Variants in SLC39A12 observed in about 807,000 individuals in gnomAD.
SLC39A12 encodes the protein solute carrier family 39 member 12.
SLC39A12 carries 63 observed loss-of-function variants against 71.1 expected under a neutral mutation model. The observed-to-expected ratio is 0.89, with a 90% CI of 0.72 to 1.09. SLC39A12 has a LOEUF of 1.09. Ranked by LOEUF, SLC39A12 falls within the 50% of genes least tolerant of loss-of-function variation. SLC39A12 has a pLI of 0.00. For missense variants in SLC39A12, 892 were observed against 812.6 expected (o/e 1.10, Z -1.19); for synonymous variants, 351 against 301.3 (o/e 1.16, Z -1.71).
At chr10:18,025,011 T>C (rs756002280) in intron 12 of SLC39A12, among the ~76,000 whole-genome samples, 22 of 152,312 alleles carry the variant, frequency 1.4e-4, no homozygotes, top group Admixed American at 3.9e-4. Flanking sequence ...TGGCAAGTAG[T>C]TTGGTCTCGT....
chr10:18,029,718 C>G (rs1353807556), intron 12 of SLC39A12, among the ~76,000 whole-genome samples: 1 of 151,826 alleles, frequency 6.6e-6, no homozygotes, highest in Non-Finnish European at 1.5e-5. Context: ...ACTTAACTGC[C>G]CTGGAGGAAG....
intron 3 of SLC39A12, among the ~76,000 whole-genome samples, chr10:17,964,452 G>A (rs1049545057): frequency 1.3e-5 from 2 of 152,112 alleles, no homozygotes; most frequent in African/African-American, 4.8e-5. Context: ...ACCTTCCCTG[G>A]ATCTCTCTTT....
At chr10:18,007,184 A>G (rs375634724) in intron 12 of SLC39A12, 13 of 152,224 alleles carry the variant, frequency 8.5e-5, no homozygotes, top group African/African-American at 2.9e-4. Flanking sequence ...CCAGCATCCA[A>G]TCCTGATCCT....
chr10:18,019,585 A>C (rs1836473519), intron 12 of SLC39A12, among the ~76,000 whole-genome samples: 1 of 151,922 alleles, frequency 6.6e-6, no homozygotes, highest in Non-Finnish European at 1.5e-5. Flanking sequence ...CTCTTATCTC[A>C]CACATTTTGA....
At chr10:17,972,512 G>T (rs1017884013) in intron 4 of SLC39A12, among the ~76,000 whole-genome samples, 2 of 152,118 alleles carry the variant, frequency 1.3e-5, no homozygotes, top group Non-Finnish European at 2.9e-5. Context: ...GTATCTGGGT[G>T]CTCCAGTGTT....
At chr10:17,992,984 A>G (rs1204022138) in intron 8 of SLC39A12, among the ~76,000 whole-genome samples, 197 bp from the exon 9 acceptor site, 1 of 152,218 alleles carries the variant, frequency 6.6e-6, no homozygotes, top group Non-Finnish European at 1.5e-5. Flanking sequence ...GACAGTGTAA[A>G]AACTACCACT....
rs782819078 is a variant in SLC39A12 at position 17,953,262 on chromosome 10, G to A, written c.-15G>A. 6.2e-7 allele frequency: 1 copy of A among 1,612,384 alleles called. No homozygotes were observed. The highest frequency in any genetic ancestry group is 1.1e-5 in the South Asian group (1 of 90,830). ...CCTCCATCCAAGACAGACTCAAGGT[G>A]GAGGAAGCGTGGAAATGTGCTTCCG... On this transcript the variant is annotated 5_prime_UTR_variant, in exon 2 of 13. Coordinates refer to ENST00000377369, the MANE Select transcript of SLC39A12 (RefSeq NM_001145195.2).
chr10:17,970,118 G>C (rs1291754820), intron 4 of SLC39A12, among the ~76,000 whole-genome samples: 1 of 152,020 alleles, frequency 6.6e-6, no homozygotes, highest in Non-Finnish European at 1.5e-5. Context: ...ATTTGTTGCT[G>C]GGTTCTTTAT....
chr10:18,008,739 C>G (rs950476651), intron 12 of SLC39A12: 1 of 152,156 alleles, frequency 6.6e-6, no homozygotes, highest in African/African-American at 2.4e-5. Context: ...CTAGCAATAC[C>G]TATCTATCAA....
intron 12 of SLC39A12, among the ~76,000 whole-genome samples, chr10:18,012,393 G>A (rs1836251977): frequency 6.6e-6 from 1 of 152,178 alleles, no homozygotes; most frequent in Non-Finnish European, 1.5e-5. Flanking sequence ...GGGAAATCCT[G>A]GAGGGCCTTT....
chr10:17,955,502 G>A (rs950667137), intron 2 of SLC39A12, among the ~76,000 whole-genome samples: 2 of 152,148 alleles, frequency 1.3e-5, no homozygotes, highest in South Asian at 2.1e-4. Flanking sequence ...GGGTTCTGGC[G>A]CGAACCACAG....
chr10:18,028,728 C>CT lies in SLC39A12; in HGVS notation c.1948-13968dup, dbSNP rs952225553. Among the ~76,000 whole-genome samples, 26 of 151,252 alleles carry CT rather than the reference C, an allele frequency of 1.7e-4. No individual in the cohort carries two copies. In the South Asian group the frequency reaches 2.5e-3, roughly 15 times the overall value. On this transcript the variant is annotated intron_variant, in intron 12 of 12. Transcript: ENST00000377369. ...AGTTTAAAACATTTTCTTTTCTTTT[C>CT]TTTTTTTTTGAGATGGAATCTCACT...
chr10:17,965,536 T>G lies in SLC39A12; in HGVS notation c.597T>G (p.Gly199=). The G allele has an allele frequency of 6.2e-7, 1 of 1,614,176 alleles. No homozygotes were observed. The highest frequency in any genetic ancestry group is 1.1e-5 in the South Asian group (1 of 91,080). The change falls in exon 4 of 13, where the codon GGT becomes GGG. Residue 199 remains glycine, a synonymous_variant. Transcript: ENST00000377369. ...AATCTGGAATAGTGAGCAGTGAAGG[T>G]GCTAATGAAAGTACGCTTCCTCAGT... ...QKKSGIVSSE[G]ANESTLPQLA...
intron 3 of SLC39A12, among the ~76,000 whole-genome samples, chr10:17,962,170 G>C (rs1434478712): frequency 6.6e-6 from 1 of 152,196 alleles, no homozygotes; most frequent in East Asian, 1.9e-4. Flanking sequence ...AAGGCTTTTT[G>C]ACCAATTTCC....
intron 10 of SLC39A12, among the ~76,000 whole-genome samples, 187 bp from the exon 11 acceptor site, chr10:18,000,480 G>A (rs145773819): frequency 3.3e-5 from 5 of 152,262 alleles, no homozygotes; most frequent in African/African-American, 9.6e-5. Flanking sequence ...GTGACCATAC[G>A]TTTAAGTGTG....
At chr10:18,042,607 T>C in intron 12 of SLC39A12, 98 bp from the exon 13 acceptor site, 2 of 1,242,248 alleles carry the variant, frequency 1.6e-6, no homozygotes, top group Non-Finnish European at 2.2e-6. Context: ...TTAAAGGTTA[T>C]TAAGTTCTGA....
chr10:18,023,045 T>C (rs1431207495), intron 12 of SLC39A12, among the ~76,000 whole-genome samples: 1 of 152,170 alleles, frequency 6.6e-6, no homozygotes, highest in Non-Finnish European at 1.5e-5. Context: ...GCTAAGAGTG[T>C]AGGCTCCTCT....
intron 1 of SLC39A12, among the ~76,000 whole-genome samples, chr10:17,952,577 T>C (rs1589214509): frequency 6.8e-6 from 1 of 146,212 alleles, no homozygotes; most frequent in Non-Finnish European, 1.5e-5. Context: ...AACCCCCGCC[T>C]CCCGGGTTCA....
Position 18,042,759 on chromosome 10 carries a change from C to A in SLC39A12, c.2002C>A (p.Gln668Lys). ...ACGACCCTGGATGATGTTTCTCCTG[C>A]AAAACTTTGGATTGATCCTAGGTTG... is the stretch of plus-strand genomic sequence containing the variant. ...TQRPWMMFLL[Q>K]NFGLILGWLS... Residue 668 changes from glutamine (Q) to lysine (K), a missense_variant, in exon 13 of 13, where the codon CAA becomes AAA. Gln to Lys is a moderately conservative substitution (Grantham distance 53). Coordinates refer to ENST00000377369, the MANE Select transcript of SLC39A12 (RefSeq NM_001145195.2). 2 of 1,613,404 alleles carry A rather than the reference C, an allele frequency of 1.2e-6. No homozygotes were observed. Among genetic ancestry groups the A allele is most frequent in the Non-Finnish European group, 1.7e-6 (2 of 1,179,744 alleles).
Sources: allele counts gnomAD v4.1 joint callset (sites outside exome capture counted in the v4.1 genomes callset), GRCh38; gene constraint gnomAD v4.1.1; transcripts MANE v1.5; gene names NCBI Gene and HGNC (gene_info 2026-07-23, HGNC 2026-07-21).